ENPEP: variants seen among roughly 807,000 people sequenced by gnomAD.
The protein encoded by ENPEP is AP-A.
Under a neutral mutation model 114.5 loss-of-function variants are expected in ENPEP, and 103 were observed. The observed-to-expected ratio is 0.90, with a 90% CI of 0.77 to 1.06. The LOEUF (loss-of-function observed/expected upper bound fraction) is 1.06. Ranked by LOEUF, ENPEP falls within the 50% of genes least tolerant of loss-of-function variation. ENPEP has a pLI of 0.00. For missense variants in ENPEP, 1,196 were observed against 1,161.3 expected, an observed-to-expected ratio of 1.03 and a Z score of -0.43; for synonymous variants, 420 against 422.0, an observed-to-expected ratio of 1.00 and a Z score of 0.06.
At chr4:110,483,508 A>G (rs1186929632) in intron 1 of ENPEP, among the ~76,000 whole-genome samples, 2 of 152,050 alleles carry the variant, frequency 1.3e-5, no homozygotes, top group Non-Finnish European at 1.5e-5. Context: ...CCAAGCCATA[A>G]CTTGTGCCAT....
At chr4:110,492,632 A>C (rs1724770717) in intron 3 of ENPEP, among the ~76,000 whole-genome samples, 1 of 152,198 alleles carries the variant, frequency 6.6e-6, no homozygotes, top group African/African-American at 2.4e-5. Context: ...GCTTTGATGC[A>C]ACCTTCAGTC....
At chr4:110,477,205 A>AC in intron 1 of ENPEP, 147 bp downstream of exon 1, 2 of 1,166,350 alleles carry the variant, frequency 1.7e-6, no homozygotes, top group Non-Finnish European at 2.4e-6. Flanking sequence ...TCCATCTGGG[A>AC]AGCCAAAATT....
intron 18 of ENPEP, among the ~76,000 whole-genome samples, chr4:110,553,841 T>G (rs1374278884): frequency 1.3e-5 from 2 of 152,038 alleles, no homozygotes; most frequent in African/African-American, 4.8e-5. Context: ...GGGTTCAAAT[T>G]AGAGTTCTAT....
At position 110,564,105 on chromosome 4, in the gene ENPEP, T is replaced by A. The variant is rs530044206; in HGVS notation, c.*2547T>A. The A allele has an allele frequency of 6.6e-6, 1 of 152,264 alleles. No individual in the cohort carries two copies. Among genetic ancestry groups the A allele is most frequent in the African/African-American group, 2.4e-5 (1 of 41,554 alleles). The allele number at this position is 152,264 out of a possible 1,614,324, so 9.4% of individuals were successfully genotyped here. ...ATCATCATCATCAGACTTTCCTTTT[T>A]TTTTCAAGCATTTTTATAAACACTA... On this transcript the variant is annotated 3_prime_UTR_variant, in exon 20 of 20. Coordinates refer to ENST00000265162, the MANE Select transcript of ENPEP (RefSeq NM_001977.4).
intron 3 of ENPEP, among the ~76,000 whole-genome samples, chr4:110,493,896 A>G (rs1230445183): frequency 6.6e-6 from 1 of 152,212 alleles, no homozygotes; most frequent in East Asian, 1.9e-4. Flanking sequence ...CAGACAAGCT[A>G]AGAATAACCA....
At position 110,561,635 on chromosome 4, in the gene ENPEP, C is replaced by A; in HGVS notation, c.*77C>A. ...AGCATTTGGTGGCCTAATTTACAAG[C>A]ACGATGGAGAGAGCCTTATAAACAG... On this transcript the variant is annotated 3_prime_UTR_variant, in exon 20 of 20. Transcript: ENST00000265162. 7.2e-7 allele frequency: 1 copy of A among 1,386,166 alleles called. No individual in the cohort carries two copies. Among genetic ancestry groups the A allele is most frequent in the Non-Finnish European group, 9.9e-7 (1 of 1,006,240 alleles). The allele number at this position is 1,386,166 out of a possible 1,614,324, so 85.9% of individuals were successfully genotyped here. A position where few individuals can be genotyped will look rare whatever the true frequency, so the allele number is the denominator to read the frequency against.
chr4:110,549,543 C>G lies in ENPEP; in HGVS notation c.2241C>G (p.Ser747=). The change falls in exon 16 of 20, where the codon TCC becomes TCG. Residue 747 remains serine, a synonymous_variant. Transcript: ENST00000265162. The part of the protein sequence containing the change: ...GDHVTKLLRS[S]VLGFACKMGD... ...GTTTTTTAAGGTTACTCCGTTCCTCCGTGTTAGGGTTTGCGTGCAAGATGG... is the reference window on the plus strand; with the variant it reads ...GTTTTTTAAGGTTACTCCGTTCCTCGGTGTTAGGGTTTGCGTGCAAGATGG... 1 of 1,613,432 alleles carries G rather than the reference C, an allele frequency of 6.2e-7. No homozygotes were observed. Among genetic ancestry groups the G allele is most frequent in the South Asian group, 1.1e-5 (1 of 91,066 alleles).
At chr4:110,491,943 A>C (rs1310832225) in intron 3 of ENPEP, among the ~76,000 whole-genome samples, 2 of 151,812 alleles carry the variant, frequency 1.3e-5, no homozygotes, top group Non-Finnish European at 2.9e-5. Context: ...CTTGTCTCTA[A>C]CTCCTGACCT....
chr4:110,563,953 A>G lies in ENPEP; in HGVS notation c.*2395A>G, dbSNP rs1727753556. On this transcript the variant is annotated 3_prime_UTR_variant, in exon 20 of 20. Transcript: ENST00000265162. The stretch of plus-strand genomic sequence containing the variant: ...CAAGTTGGTGAAGTGTTAGTCCAAA[A>G]GTAGAAACAACAGAGTAGGGGCAAA... 2.0e-5 allele frequency: 3 copies of G among 152,222 alleles called. No homozygotes were observed. The highest frequency in any genetic ancestry group is 2.9e-5 in the Non-Finnish European group (2 of 68,044). The allele number at this position is 152,222 out of a possible 1,614,324, so 9.4% of individuals were successfully genotyped here.
chr4:110,534,504 CTTTTTTTTTTTT>C (rs71595561), intron 11 of ENPEP, among the ~76,000 whole-genome samples: 1 of 52,276 alleles, frequency 1.9e-5, no homozygotes, highest in African/African-American at 7.3e-5. Context: ...TTCGTTGTTT[CTTTTTTTTTTTT>C]TTTTTTTTGG....
chr4:110,524,909 C>G (rs1726138629), intron 10 of ENPEP, among the ~76,000 whole-genome samples: 1 of 152,176 alleles, frequency 6.6e-6, no homozygotes, highest in Non-Finnish European at 1.5e-5. Flanking sequence ...CAGGTGCTCA[C>G]CAACATGCCC....
chr4:110,533,223 C>T (rs1726472123), intron 11 of ENPEP: 4 of 295,058 alleles, frequency 1.4e-5, no homozygotes, highest in South Asian at 9.1e-5. Context: ...AGTGAATTTT[C>T]CAGATAACTA....
intron 6 of ENPEP, chr4:110,513,193 C>T: frequency 2.8e-6 from 1 of 362,298 alleles, no homozygotes; most frequent in South Asian, 5.9e-5. Flanking sequence ...TCTTCTCGGC[C>T]TGTCATCTGG....
chr4:110,514,595 A>G (rs1222913272), intron 7 of ENPEP, among the ~76,000 whole-genome samples: 1 of 152,058 alleles, frequency 6.6e-6, no homozygotes, highest in African/African-American at 2.4e-5. Flanking sequence ...GGTTTAAGAT[A>G]TTATGTCCAA....
intron 11 of ENPEP, among the ~76,000 whole-genome samples, chr4:110,536,002 G>A (rs545914416): frequency 2.7e-4 from 41 of 151,636 alleles, no homozygotes; most frequent in African/African-American, 9.9e-4. Context: ...AGCTACTCGG[G>A]AGGCTGAAGC....
Position 110,515,356 on chromosome 4 carries a change from G to C in ENPEP, c.1444-21G>C, listed in dbSNP as rs183646371. On this transcript the variant is annotated intron_variant, in intron 7 of 19. Transcript: ENST00000265162. The stretch of plus-strand genomic sequence containing the variant: ...TACATAGCCTTTATTAGTTTCATTT[G>C]TCTTTTTATCCCCATTGTAGGGATC... The C allele has an allele frequency of 1.4e-5, 23 of 1,596,454 alleles. No homozygotes were observed. In the East Asian group the frequency reaches 4.9e-4, roughly 34 times the overall value.
rs552385302 is a variant in ENPEP, at chr4:110,483,350, C to T, written c.645-5191C>T. The stretch of plus-strand genomic sequence containing the variant: ...AGAAGCTCTGTGTTTAAGGATTTCA[C>T]CCAAAACTTGCTGTTTATTTTGCTG... On this transcript the variant is annotated intron_variant, in intron 1 of 19. Transcript: ENST00000265162. Among the ~76,000 whole-genome samples the T allele has an allele frequency of 2.3e-4, 35 of 152,258 alleles. No individual in the cohort carries two copies. The East Asian group carries it at 6.0e-3, about 26-fold the overall frequency.
intron 1 of ENPEP, among the ~76,000 whole-genome samples, chr4:110,486,805 A>G (rs1046755734): frequency 3.3e-5 from 5 of 152,176 alleles, no homozygotes; most frequent in South Asian, 4.1e-4. Flanking sequence ...GATGGGGGGA[A>G]TTGAAATGGA....
intron 11 of ENPEP, among the ~76,000 whole-genome samples, chr4:110,535,759 G>T (rs1726592282): frequency 6.6e-6 from 1 of 152,186 alleles, no homozygotes; most frequent in Admixed American, 6.5e-5. Context: ...GGCCAAGGCA[G>T]GTGGATCGCC....
Sources: allele counts gnomAD v4.1 joint callset (sites outside exome capture counted in the v4.1 genomes callset), GRCh38; gene constraint gnomAD v4.1.1; transcripts MANE v1.5; gene names NCBI Gene and HGNC (gene_info 2026-07-23, HGNC 2026-07-21).